ZNF20: variants seen among roughly 807,000 people sequenced by gnomAD.
The protein encoded by ZNF20 is zinc finger protein KOX13.
ZNF20 carries 9 observed loss-of-function variants against 11.0 expected under a neutral mutation model. That is an observed-to-expected ratio of 0.82 (90% CI 0.49 to 1.43). ZNF20 has a LOEUF of 1.43. Among genes scored for constraint, ZNF20 ranks in the 40% most tolerant of loss-of-function variants. The pLI is 0.00. For missense variants in ZNF20, 528 were observed against 640.8 expected, an observed-to-expected ratio of 0.82 and a Z score of 1.90; for synonymous variants, 182 against 213.0, an observed-to-expected ratio of 0.85 and a Z score of 1.27.
At position 12,133,617 on chromosome 19, in the gene ZNF20, C is replaced by G; in HGVS notation, c.569G>C (p.Arg190Thr). The G allele has an allele frequency of 2.5e-6, 4 of 1,614,222 alleles. No homozygotes were observed. The highest frequency in any genetic ancestry group is 3.4e-6 in the Non-Finnish European group (4 of 1,180,036). The change falls in exon 4 of 4, where the codon AGG becomes ACG. Residue 190 changes from arginine (R) to threonine (T), a missense_variant. Transcript: ENST00000334213. ...AGGTCCATCTCCACTGTGCATTACCCTGTGTCTTTGAATGCATGAATGGGA... is the reference window on the plus strand; with the variant it reads ...AGGTCCATCTCCACTGTGCATTACCGTGTGTCTTTGAATGCATGAATGGGA... Reference protein sequence around the residue: ...FISHSCIQRHRVMHSGDGPYK... With the variant: ...FISHSCIQRHTVMHSGDGPYK...
In ZNF20 at chr19:12,133,334, C is replaced by A. The variant is rs1224596104; in HGVS notation, c.852G>T (p.Glu284Asp). Residue 284 changes from glutamate (E) to aspartate (D), a missense_variant, in exon 4 of 4, where the codon GAG (glutamate) becomes GAT (aspartate). Glu to Asp is a conservative substitution (Grantham distance 45). Coordinates refer to ENST00000334213, the MANE Select transcript of ZNF20 (RefSeq NM_021143.4). Reference sequence around the variant, plus strand: ...TGAAGACTTTCCCACATTGCTTACACTCATAGGGTTTTTCTCCAGTGTGAG... The same window carrying A: ...TGAAGACTTTCCCACATTGCTTACAATCATAGGGTTTTTCTCCAGTGTGAG... ...KRSHTGEKPY[E>D]CKQCGKVFIS... 1 of 1,614,098 alleles carries A rather than the reference C, an allele frequency of 6.2e-7. No homozygotes were observed. The highest frequency in any genetic ancestry group is 8.5e-7 in the Non-Finnish European group (1 of 1,180,016).
In ZNF20 at chr19:12,132,826, T is replaced by C. The variant is rs1263722990; in HGVS notation, c.1360A>G (p.Lys454Glu). ...CAAGTGAAGGCTTTGCCACATACCT[T>C]ACACTCATATGGCTTATCTCCAGTG... is the stretch of plus-strand genomic sequence containing the variant. Reference protein sequence around the residue: ...THTGDKPYECKVCGKAFTCSS... With the variant: ...THTGDKPYECEVCGKAFTCSS... Residue 454 changes from lysine (K) to glutamate (E), a missense_variant, in exon 4 of 4, where the codon AAG becomes GAG. Lys to Glu is a moderately conservative substitution (Grantham distance 56, BLOSUM62 1). Coordinates refer to ENST00000334213, the MANE Select transcript of ZNF20 (RefSeq NM_021143.4). The C allele has an allele frequency of 6.2e-7, 1 of 1,614,108 alleles. No individual in the cohort carries two copies. The highest frequency in any genetic ancestry group is 1.1e-5 in the South Asian group (1 of 91,078).
chr19:12,139,768 G>A lies in ZNF20; in HGVS notation c.3+412C>T, dbSNP rs1327712784. Among the ~76,000 whole-genome samples, 1 of 152,158 alleles carries A rather than the reference G, an allele frequency of 6.6e-6. No homozygotes were observed. The highest frequency in any genetic ancestry group is 1.9e-4 in the East Asian group (1 of 5,168). ...GATGGTCTCGATCTCCTGACTTCGT[G>A]ATCCGCAAGCCTCGGCCTCCCAAAG... On this transcript the variant is annotated intron_variant, in intron 1 of 3. Coordinates refer to ENST00000334213, the MANE Select transcript of ZNF20 (RefSeq NM_021143.4). This position sits in a 1 kb window ranked among gnomAD's most constrained non-coding sequence, Gnocchi z 4.0.
Position 12,132,475 on chromosome 19 carries a change from C to A in ZNF20, c.*112G>T. ...TATTGTCCTATCGCAAGTCTCTCTT[C>A]TCAATTCAAAAAGCAGTTATCCAGA... On this transcript the variant is annotated 3_prime_UTR_variant, in exon 4 of 4. Transcript: ENST00000334213. The A allele has an allele frequency of 2.7e-6, 3 of 1,118,900 alleles. No individual in the cohort carries two copies. The highest frequency in any genetic ancestry group is 3.8e-6 in the Non-Finnish European group (3 of 785,952). The allele number at this position is 1,118,900 out of a possible 1,614,324, so 69.3% of individuals were successfully genotyped here.
At position 12,139,369 on chromosome 19, in the gene ZNF20, T is replaced by A. The variant is rs1189399576; in HGVS notation, c.3+811A>T. On this transcript the variant is annotated intron_variant, in intron 1 of 3. Transcript: ENST00000334213. The surrounding 1 kb of genome is among the most constrained non-coding windows in gnomAD (Gnocchi z 4.0). ...AGTGTTAAATCCCTTCATTCCTTCC[T>A]TGCTTTGTGCGTTTTGTCCAATTCT... 6.6e-6 allele frequency among the ~76,000 whole-genome samples: 1 copy of A among 152,192 alleles called. No homozygotes were observed. Among genetic ancestry groups the A allele is most frequent in the Admixed American group, 6.5e-5 (1 of 15,270 alleles).
chr19:12,133,690 T>C lies in ZNF20; in HGVS notation c.496A>G (p.Thr166Ala). 6.2e-7 allele frequency: 1 copy of C among 1,614,244 alleles called. No homozygotes were observed. Among genetic ancestry groups the C allele is most frequent in the Non-Finnish European group, 8.5e-7 (1 of 1,180,052 alleles). The change falls in exon 4 of 4, where the codon ACT (threonine) becomes GCT (alanine). Residue 166 changes from threonine (T) to alanine (A), a missense_variant. Thr to Ala is a moderately conservative substitution (Grantham distance 58). Transcript: ENST00000334213. ...TTACCATCATAGGGTTTCTCTTTAG[T>C]GCAAGCTTTATCATGTGATTGAAAG... ...DSFQSHDKAC[T>A]KEKPYDGKEC... is the part of the protein sequence containing the mutation.
Position 12,133,193 on chromosome 19 carries a change from C to A in ZNF20, c.993G>T (p.Arg331Ser), listed in dbSNP as rs1311179311. The A allele has an allele frequency of 6.2e-7, 1 of 1,613,640 alleles. No individual in the cohort carries two copies. Among genetic ancestry groups the A allele is most frequent in the Non-Finnish European group, 8.5e-7 (1 of 1,179,758 alleles). ...RCGSHLQKHGRTHTGEKPYEC... is the reference protein window; with the variant it reads ...RCGSHLQKHGSTHTGEKPYEC... ...CATAGGGTTTCTCTCCAGTGTGAGT[C>A]CTTCCATGCTTTTGAAGGTGTGAGC... The change falls in exon 4 of 4, where the codon AGG becomes AGT. Residue 331 changes from arginine to serine, a missense_variant. Physicochemically the swap from Arg to Ser is moderately radical, Grantham distance 110. Coordinates refer to ENST00000334213, the MANE Select transcript of ZNF20 (RefSeq NM_021143.4).
At chr19:12,134,596 C>CCA (rs975032995) in intron 3 of ZNF20, among the ~76,000 whole-genome samples, 3 of 152,060 alleles carry the variant, frequency 2.0e-5, no homozygotes, top group Admixed American at 2.0e-4. Context: ...TGAGCTAAAA[C>CCA]CACACCACTC....
chr19:12,138,014 G>T (rs1046922757), intron 1 of ZNF20, among the ~76,000 whole-genome samples: 6 of 152,164 alleles, frequency 3.9e-5, no homozygotes, highest in African/African-American at 1.4e-4. Flanking sequence ...CCTCTGGGAG[G>T]ACTGACACAG....
At chr19:12,138,496 C>G (rs1976748098) in intron 1 of ZNF20, among the ~76,000 whole-genome samples, 2 of 150,104 alleles carry the variant, frequency 1.3e-5, no homozygotes, top group South Asian at 2.1e-4. Context: ...GAGATGGTGT[C>G]TGTGCCTTAC....
At chr19:12,140,081 A>C in intron 1 of ZNF20, 99 bp downstream of exon 1, 1 of 1,460,000 alleles carries the variant, frequency 6.8e-7, no homozygotes. Flanking sequence ...TCCCAGATCC[A>C]GGAGGCGCGG....
rs778980347 is a variant in ZNF20 at position 12,132,622 on chromosome 19, G to A, written c.1564C>T (p.Arg522Ter). 9 of 1,606,146 alleles carry A rather than the reference G, an allele frequency of 5.6e-6. No homozygotes were observed. The highest frequency in any genetic ancestry group is 1.3e-5 in the African/African-American group (1 of 74,272). ...ATGGTATGAGTTCTTTCATGTTCTC[G>A]ACATGAACTGGCACGAATAAAGGCT... ...GKAFIRASSC[R>*]EHERTHTINR The change falls in exon 4 of 4, where the codon CGA (arginine) becomes TGA (stop). Residue 522 changes from arginine to a stop codon, truncating the protein, a stop_gained. Coordinates refer to ENST00000334213, the MANE Select transcript of ZNF20 (RefSeq NM_021143.4). LOFTEE classifies it low-confidence loss of function (END_TRUNC).
intron 1 of ZNF20, among the ~76,000 whole-genome samples, chr19:12,136,687 C>T (rs1356234969): frequency 6.6e-6 from 1 of 151,240 alleles, no homozygotes; most frequent in Admixed American, 6.6e-5. Context: ...AACTCCGTCT[C>T]GAAAAAATAA....
At chr19:12,136,258 C>T (rs867371689) in intron 1 of ZNF20, among the ~76,000 whole-genome samples, 2 of 152,022 alleles carry the variant, frequency 1.3e-5, no homozygotes, top group African/African-American at 4.8e-5. Flanking sequence ...TGCCTGTAGT[C>T]CCAGCTACTC....
chr19:12,132,349 A>G lies in ZNF20; in HGVS notation c.*238T>C. 2.1e-6 allele frequency: 1 copy of G among 479,058 alleles called. No homozygotes were observed. Among genetic ancestry groups the G allele is most frequent in the Non-Finnish European group, 3.6e-6 (1 of 275,312 alleles). 29.7% of individuals were successfully genotyped at this position (479,058 alleles called of 1,614,324 possible). On this transcript the variant is annotated 3_prime_UTR_variant, in exon 4 of 4. Transcript: ENST00000334213. ...ACCTCTCTCCCTGTGTGGGGCCTCT[A>G]ATATGTGACTGATGCCTTCCTTTTC...
Position 12,133,350 on chromosome 19 carries a change from C to G in ZNF20, c.836G>C (p.Gly279Ala). The change falls in exon 4 of 4, where the codon GGA (glycine) becomes GCA (alanine). Residue 279 changes from glycine to alanine, a missense_variant. Coordinates refer to ENST00000334213, the MANE Select transcript of ZNF20 (RefSeq NM_021143.4). ...EIRRHKRSHT[G>A]EKPYECKQCG... is the part of the protein sequence containing the mutation. ...TTGCTTACACTCATAGGGTTTTTCT[C>G]CAGTGTGAGACCTTTTATGTCTACG... is the stretch of plus-strand genomic sequence containing the variant. 1 of 1,614,208 alleles carries G rather than the reference C, an allele frequency of 6.2e-7. No individual in the cohort carries two copies. The highest frequency in any genetic ancestry group is 8.5e-7 in the Non-Finnish European group (1 of 1,180,046).
At position 12,132,934 on chromosome 19, in the gene ZNF20, T is replaced by C. The variant is rs747280225; in HGVS notation, c.1252A>G (p.Thr418Ala). 8.7e-6 allele frequency: 14 copies of C among 1,614,152 alleles called. No homozygotes were observed. The Admixed American group carries it at 1.7e-4, about 19-fold the overall frequency. Reference sequence around the variant, plus strand: ...TTACATTCATGGGGCTTCTCTCCAGTGTGCGTCCTTTCATGTATACGCAAG... The same window carrying C: ...TTACATTCATGGGGCTTCTCTCCAGCGTGCGTCCTTTCATGTATACGCAAG... ...SSLRIHERTH[T>A]GEKPHECKQC... Residue 418 changes from threonine to alanine, a missense_variant, in exon 4 of 4, where the codon ACT becomes GCT. Physicochemically the swap from Thr to Ala is moderately conservative, Grantham distance 58. Coordinates refer to ENST00000334213, the MANE Select transcript of ZNF20 (RefSeq NM_021143.4).
chr19:12,139,132 TA>T lies in ZNF20; in HGVS notation c.3+1047del, dbSNP rs1976758637. Among the ~76,000 whole-genome samples the T allele has an allele frequency of 6.6e-6, 1 of 152,174 alleles. No individual in the cohort carries two copies. The highest frequency in any genetic ancestry group is 6.5e-5 in the Admixed American group (1 of 15,272). On this transcript the variant is annotated intron_variant, in intron 1 of 3. Transcript: ENST00000334213. The surrounding 1 kb of genome is among the most constrained non-coding windows in gnomAD (Gnocchi z 4.0). ...AAATAGGGTCTGGACGCAGGGAACATAAGGCCTATTCAAACTTCAGCTATGA... is the reference window on the plus strand; with the variant it reads ...AAATAGGGTCTGGACGCAGGGAACATAGGCCTATTCAAACTTCAGCTATGA...
rs563191910 is a variant in ZNF20 at position 12,140,063 on chromosome 19, G to C, written c.3+117C>G. On this transcript the variant is annotated intron_variant, in intron 1 of 3. Transcript: ENST00000334213. ...ACGCAGGGACGAGCTGAGACAGAGG[G>C]ATTCGGGTCCCAGATCCAGGAGGCG... 1,172 of 1,355,250 alleles carry C rather than the reference G, an allele frequency of 8.6e-4. 23 individuals carry two copies. In the South Asian group the frequency reaches 0.014, roughly 16 times the overall value. The allele number at this position is 1,355,250 out of a possible 1,614,324, so 84.0% of individuals were successfully genotyped here.
Sources: allele counts gnomAD v4.1 joint callset (sites outside exome capture counted in the v4.1 genomes callset), GRCh38; gene constraint gnomAD v4.1.1; non-coding constraint Gnocchi (gnomAD v3.1); transcripts MANE v1.5; gene names NCBI Gene and HGNC (gene_info 2026-07-23, HGNC 2026-07-21).